Variants in CKAP5 observed in about 807,000 individuals in gnomAD.
The protein encoded by CKAP5 is cytoskeleton-associated protein 5.
Under a neutral mutation model 232.8 loss-of-function variants are expected in CKAP5, and 27 were observed. The ratio of observed to expected loss-of-function variants is 0.12; its 90% confidence interval spans 0.09 to 0.16. The LOEUF (loss-of-function observed/expected upper bound fraction) is 0.16. CKAP5 is among the 10% of genes least tolerant of loss of function. The probability of loss-of-function intolerance (pLI) is 1.00; values close to 1 mark genes in which losing one functional copy is unlikely to be tolerated. For synonymous variants in CKAP5, 785 were observed against 841.1 expected, an observed-to-expected ratio of 0.93 and a Z score of 1.16; for missense variants, 1,838 against 2,424.7, an observed-to-expected ratio of 0.76 and a Z score of 5.08.
intron 8 of CKAP5, among the ~76,000 whole-genome samples, chr11:46,801,802 T>C (rs530076798): frequency 2.0e-5 from 3 of 152,346 alleles, no homozygotes; most frequent in Non-Finnish European, 4.4e-5. Flanking sequence ...TCTTCTATCT[T>C]AAAGTTCTAC....
intron 25 of CKAP5, among the ~76,000 whole-genome samples, chr11:46,770,507 T>C (rs1024820013): frequency 1.2e-4 from 18 of 152,156 alleles, no homozygotes; most frequent in African/African-American, 4.3e-4. Context: ...TCTCAGCTGA[T>C]TGCAACCTCT....
intron 42 of CKAP5, among the ~76,000 whole-genome samples, chr11:46,747,030 G>A (rs575208636): frequency 2.0e-5 from 3 of 152,194 alleles, no homozygotes; most frequent in African/African-American, 4.8e-5. Flanking sequence ...CCAGCTACTC[G>A]GGAGGCCAAG....
intron 15 of CKAP5, among the ~76,000 whole-genome samples, chr11:46,789,346 G>GT (rs1407768147): frequency 6.6e-6 from 1 of 152,154 alleles, no homozygotes; most frequent in Non-Finnish European, 1.5e-5. Context: ...TACAACACAG[G>GT]TTTTTGAGAG....
chr11:46,744,638 T>C (rs2134557769), intron 42 of CKAP5, 61 bp from the exon 43 acceptor site: 1 of 1,467,576 alleles, frequency 6.8e-7, no homozygotes, highest in East Asian at 2.3e-5. Flanking sequence ...CTAAAGTGCC[T>C]TGGTTAATCT....
At chr11:46,744,821 TGGGTTATGCA>T (rs1392282746) in intron 42 of CKAP5, among the ~76,000 whole-genome samples, 1 of 152,204 alleles carries the variant, frequency 6.6e-6, no homozygotes, top group Non-Finnish European at 1.5e-5. Context: ...ATCTGCATCC[TGGGTTATGCA>T]GGGGATTGTA....
intron 13 of CKAP5, among the ~76,000 whole-genome samples, chr11:46,791,253 T>G (rs79706426): frequency 0.013 from 1,962 of 150,204 alleles, 17 homozygotes; most frequent in African/African-American, 0.033. Flanking sequence ...GGGTTTTTTT[T>G]TTTTTTTGTT....
chr11:46,818,283 C>A (rs776507297), intron 3 of CKAP5, 27 bp downstream of exon 3: 1 of 1,529,804 alleles, frequency 6.5e-7, no homozygotes, highest in Non-Finnish European at 8.8e-7. Flanking sequence ...GGGTTTTTAT[C>A]AGTAAAGTTG....
At chr11:46,771,445 C>T (rs977550588) in intron 24 of CKAP5, among the ~76,000 whole-genome samples, 1 of 152,090 alleles carries the variant, frequency 6.6e-6, no homozygotes, top group Non-Finnish European at 1.5e-5. Flanking sequence ...GTTTCACTCC[C>T]GTCACCCAGG....
chr11:46,805,664 C>T (rs1939136933), intron 8 of CKAP5, among the ~76,000 whole-genome samples: 2 of 152,006 alleles, frequency 1.3e-5, no homozygotes, highest in African/African-American at 2.4e-5. Context: ...AGCTGGGCAC[C>T]GTGGCTCATG....
intron 16 of CKAP5, 111 bp from the exon 17 acceptor site, chr11:46,784,784 C>A: frequency 1.5e-6 from 1 of 676,506 alleles, no homozygotes; most frequent in South Asian, 2.6e-5. Context: ...GCTGGAAACA[C>A]AACTAAAGTA....
intron 1 of CKAP5, among the ~76,000 whole-genome samples, chr11:46,825,652 T>G (rs1240124663): frequency 6.6e-6 from 1 of 152,048 alleles, no homozygotes; most frequent in African/African-American, 2.4e-5. Flanking sequence ...GGAGATGCTA[T>G]TGCAGAAGCA....
chr11:46,807,998 T>C, intron 8 of CKAP5, 33 bp downstream of exon 8: 1 of 1,481,504 alleles, frequency 6.7e-7, no homozygotes, highest in South Asian at 1.2e-5. Context: ...TGATGGCTGT[T>C]ACAATACCAG....
intron 42 of CKAP5, among the ~76,000 whole-genome samples, chr11:46,745,503 A>T (rs915880621): frequency 1.3e-5 from 2 of 152,236 alleles, no homozygotes; most frequent in African/African-American, 2.4e-5. Flanking sequence ...AAATTATCAC[A>T]CGTTGAACAT....
At chr11:46,822,343 T>C (rs1367259330) in intron 1 of CKAP5, among the ~76,000 whole-genome samples, 1 of 152,106 alleles carries the variant, frequency 6.6e-6, no homozygotes, top group Non-Finnish European at 1.5e-5. Context: ...AAGAACTTCT[T>C]AGATATAAAA....
chr11:46,822,140 G>A (rs961436815), intron 1 of CKAP5, among the ~76,000 whole-genome samples: 5 of 151,946 alleles, frequency 3.3e-5, no homozygotes, highest in African/African-American at 9.7e-5. Flanking sequence ...TTAGCCAGGC[G>A]TAGTGGTGTG....
intron 38 of CKAP5, 134 bp downstream of exon 38, chr11:46,752,501 G>T: frequency 3.5e-6 from 2 of 563,810 alleles, no homozygotes; most frequent in South Asian, 2.8e-5. Context: ...TTTTTATTAC[G>T]AAAAATATAT....
At chr11:46,802,557 G>GACAGACAC (rs1366464897) in intron 8 of CKAP5, among the ~76,000 whole-genome samples, 24 of 147,448 alleles carry the variant, frequency 1.6e-4, no homozygotes, top group African/African-American at 4.8e-4. Context: ...CAGACAGACA[G>GACAGACAC]ACACACACAC....
At chr11:46,765,091 A>G in intron 28 of CKAP5, 40 bp downstream of exon 28, 1 of 1,584,776 alleles carries the variant, frequency 6.3e-7, no homozygotes, top group Non-Finnish European at 8.6e-7. Context: ...GAATAACAAT[A>G]CAAGCAAAAA....
In CKAP5 at chr11:46,811,183, A is replaced by C. The variant is rs1251832536; in HGVS notation, c.459-5T>G. The C allele has an allele frequency of 6.2e-7, 1 of 1,610,352 alleles. No individual in the cohort carries two copies. Among genetic ancestry groups the C allele is most frequent in the Non-Finnish European group, 8.5e-7 (1 of 1,178,376 alleles). On this transcript the variant is annotated splice_region_variant and splice_polypyrimidine_tract_variant and intron_variant, in intron 4 of 43. Transcript: ENST00000529230. ...ATGATTTTGGAACCAAATTCACTAC[A>C]AGTAAAAAATTGGGAAAAAACTGTC...
Sources: allele counts gnomAD v4.1 joint callset (sites outside exome capture counted in the v4.1 genomes callset), GRCh38; gene constraint gnomAD v4.1.1; transcripts MANE v1.5; gene names NCBI Gene and HGNC (gene_info 2026-07-23, HGNC 2026-07-21).